Variants in NBEA observed in about 807,000 individuals in gnomAD.
NBEA encodes neurobeachin.
Under a neutral mutation model 343.4 loss-of-function variants are expected in NBEA, and 44 were observed. The observed-to-expected ratio is 0.13, with a 90% CI of 0.10 to 0.16. The LOEUF is 0.16. NBEA is among the 10% of genes least tolerant of loss of function. The pLI is 1.00. For missense variants in NBEA, 2,555 were observed against 3,631.3 expected (o/e 0.70, Z 7.62); for synonymous variants, 1,175 against 1,238.7 (o/e 0.95, Z 1.08).
At chr13:35,154,107 G>A (rs1455147507) in intron 18 of NBEA, among the ~76,000 whole-genome samples, 1 of 152,076 alleles carries the variant, frequency 6.6e-6, no homozygotes, top group Non-Finnish European at 1.5e-5. Context: ...AGGGGAACGG[G>A]GGTAATTAAA....
At chr13:35,169,408 T>C (rs947655508) in intron 25 of NBEA, among the ~76,000 whole-genome samples, 5 of 151,490 alleles carry the variant, frequency 3.3e-5, no homozygotes, top group African/African-American at 1.2e-4. Flanking sequence ...GAATACAAAT[T>C]CTCTTTTAGA....
At chr13:35,067,315 A>G (rs1217609405) in intron 8 of NBEA, among the ~76,000 whole-genome samples, 4 of 152,012 alleles carry the variant, frequency 2.6e-5, no homozygotes, top group African/African-American at 9.7e-5. Context: ...GCTTCCATCT[A>G]CCTTCTTTGT....
intron 34 of NBEA, among the ~76,000 whole-genome samples, chr13:35,240,004 A>G (rs367962355): frequency 7.3e-5 from 11 of 151,356 alleles, no homozygotes; most frequent in African/African-American, 1.4e-4. Flanking sequence ...GCATCCATAA[A>G]TCTATTAGGT....
chr13:34,954,950 A>G (rs2059448634), intron 1 of NBEA, among the ~76,000 whole-genome samples: 1 of 152,174 alleles, frequency 6.6e-6, no homozygotes, highest in Admixed American at 6.5e-5. Context: ...TACATGGTTT[A>G]TATTTTAAAA....
At chr13:35,489,766 A>G (rs2076438411) in intron 41 of NBEA, among the ~76,000 whole-genome samples, 1 of 152,094 alleles carries the variant, frequency 6.6e-6, no homozygotes, top group South Asian at 2.1e-4. Context: ...TAGAAAATAT[A>G]AAGCAATAAA....
At chr13:35,040,415 C>T (rs2062606556) in intron 1 of NBEA, among the ~76,000 whole-genome samples, 3 of 151,124 alleles carry the variant, frequency 2.0e-5, no homozygotes, top group African/African-American at 7.3e-5. Flanking sequence ...TACTTCTGTT[C>T]AACTTATTTT....
intron 32 of NBEA, among the ~76,000 whole-genome samples, chr13:35,210,674 C>G (rs1359775510): frequency 6.6e-6 from 1 of 152,074 alleles, no homozygotes; most frequent in African/African-American, 2.4e-5. Flanking sequence ...TCACTCCAAA[C>G]TATGTCTTAA....
At chr13:35,569,346 G>A (rs2153027693) in intron 45 of NBEA, among the ~76,000 whole-genome samples, 1 of 152,210 alleles carries the variant, frequency 6.6e-6, no homozygotes, top group African/African-American at 2.4e-5. Flanking sequence ...AAATTGAATA[G>A]CCATTACTTA....
At chr13:34,995,806 C>T (rs572765880) in intron 1 of NBEA, among the ~76,000 whole-genome samples, 50 of 152,330 alleles carry the variant, frequency 3.3e-4, no homozygotes, top group South Asian at 2.7e-3. Context: ...GTACAGGAGC[C>T]TAGTCCAAAT....
At chr13:35,536,483 T>G (rs757380482) in intron 41 of NBEA, among the ~76,000 whole-genome samples, 2 of 152,202 alleles carry the variant, frequency 1.3e-5, no homozygotes. Context: ...ATTGAACAGC[T>G]AATACAGAGA....
chr13:35,242,877 A>G (rs1226917175), intron 34 of NBEA, among the ~76,000 whole-genome samples: 4 of 151,930 alleles, frequency 2.6e-5, no homozygotes, highest in South Asian at 4.1e-4. Context: ...ATTTATTACT[A>G]CTAGATCTAA....
At chr13:35,135,922 C>T (rs2067699768) in intron 17 of NBEA, among the ~76,000 whole-genome samples, 1 of 151,064 alleles carries the variant, frequency 6.6e-6, no homozygotes, top group African/African-American at 2.4e-5. Flanking sequence ...CCTCCCCCCT[C>T]AAAAAAAAGA....
At chr13:34,989,944 A>G (rs1371128972) in intron 1 of NBEA, among the ~76,000 whole-genome samples, 1 of 151,148 alleles carries the variant, frequency 6.6e-6, no homozygotes. Flanking sequence ...TGCAAGTCCA[A>G]AGCCCAGAAA....
At position 35,022,851 on chromosome 13, in the gene NBEA, A is replaced by C. The variant is rs948111393; in HGVS notation, c.295-18082A>C. Among the ~76,000 whole-genome samples the C allele has an allele frequency of 2.0e-5, 3 of 152,294 alleles. No individual in the cohort carries two copies. In the East Asian group the frequency reaches 5.8e-4, roughly 29 times the overall value. On this transcript the variant is annotated intron_variant, in intron 1 of 58. Transcript: ENST00000379939. ...ATGAGGCTATACACATAAATTACTC[A>C]GCATGTGATAAATGTTCACAAAATG...
chr13:35,544,709 A>T (rs1373768506), intron 41 of NBEA, among the ~76,000 whole-genome samples: 8 of 152,210 alleles, frequency 5.3e-5, no homozygotes, highest in Non-Finnish European at 8.8e-5. Flanking sequence ...CCTGACATGA[A>T]CTTTCTCCCT....
chr13:35,560,572 G>T (rs532251068), intron 44 of NBEA, among the ~76,000 whole-genome samples: 3 of 152,274 alleles, frequency 2.0e-5, no homozygotes, highest in South Asian at 4.1e-4. Context: ...CAACATCTGT[G>T]GGGGAGTGAA....
At chr13:34,986,662 G>A (rs539389981) in intron 1 of NBEA, among the ~76,000 whole-genome samples, 1 of 150,776 alleles carries the variant, frequency 6.6e-6, no homozygotes, top group East Asian at 1.9e-4. Flanking sequence ...ATTATTGTGT[G>A]GGAGTCTAAG....
chr13:35,416,431 T>A lies in NBEA; in HGVS notation c.6180-15838T>A, dbSNP rs146659149. On this transcript the variant is annotated intron_variant, in intron 38 of 58. Coordinates refer to ENST00000379939, the MANE Select transcript of NBEA (RefSeq NM_001385012.1). The stretch of plus-strand genomic sequence containing the variant: ...TGAGACACGTCCCATCAATACCTAC[T>A]TTAGTGAGAGTTTTTAGCTGTTGAA... Among the ~76,000 whole-genome samples, 91 of 152,280 alleles carry A rather than the reference T, an allele frequency of 6.0e-4. 1 individual carries two copies. The highest frequency in any genetic ancestry group is 2.2e-3 in the African/African-American group (90 of 41,576).
intron 36 of NBEA, among the ~76,000 whole-genome samples, chr13:35,326,594 A>G (rs2038576535): frequency 6.6e-6 from 1 of 151,920 alleles, no homozygotes. Context: ...TATGATAGTT[A>G]GGCTTCTTCT....
Sources: allele counts gnomAD v4.1 joint callset (sites outside exome capture counted in the v4.1 genomes callset), GRCh38; gene constraint gnomAD v4.1.1; transcripts MANE v1.5; gene names NCBI Gene and HGNC (gene_info 2026-07-23, HGNC 2026-07-21).